NRG3: variants seen among roughly 807,000 people sequenced by gnomAD.
NRG3 encodes pro-neuregulin-3, membrane-bound isoform.
NRG3 carries 31 observed loss-of-function variants against 66.9 expected under a neutral mutation model. That is an observed-to-expected ratio of 0.46 (90% CI 0.35 to 0.63). The LOEUF (loss-of-function observed/expected upper bound fraction) is 0.63, where lower values mean the gene tolerates loss of function less well. NRG3 is among the 20% of genes least tolerant of loss of function. The pLI is 0.00. For synonymous variants in NRG3, 393 were observed against 359.4 expected, an observed-to-expected ratio of 1.09 and a Z score of -1.06; for missense variants, 910 against 878.9, an observed-to-expected ratio of 1.04 and a Z score of -0.45.
intron 1 of NRG3, among the ~76,000 whole-genome samples, chr10:82,303,535 A>G (rs2080533727): frequency 6.6e-6 from 1 of 152,164 alleles, no homozygotes; most frequent in African/African-American, 2.4e-5. Context: ...AAAATTAGAA[A>G]AACACTTAAA....
chr10:82,388,029 A>G (rs745412930), intron 2 of NRG3, among the ~76,000 whole-genome samples: 22 of 152,308 alleles, frequency 1.4e-4, no homozygotes, highest in Admixed American at 6.5e-5. Context: ...TTTCTAAATT[A>G]GAAAAGTACT....
Position 82,449,707 on chromosome 10 carries a change from C to G in NRG3, c.953+90839C>G, listed in dbSNP as rs905771642. On this transcript the variant is annotated intron_variant, in intron 2 of 8. Coordinates refer to ENST00000372141, the MANE Select transcript of NRG3 (RefSeq NM_001010848.4). The stretch of plus-strand genomic sequence containing the variant: ...AGGACCTCCTCACATGGGGCCACAT[C>G]AAGCATATGTGTGGTCGCAGGCTGT... Among the ~76,000 whole-genome samples, 16 of 152,288 alleles carry G rather than the reference C, an allele frequency of 1.1e-4. 1 individual carries two copies. The highest frequency in any genetic ancestry group is 6.8e-3 in the Middle Eastern group (2 of 294).
intron 2 of NRG3, among the ~76,000 whole-genome samples, chr10:82,615,609 G>A (rs2048596883): frequency 6.6e-6 from 1 of 152,134 alleles, no homozygotes; most frequent in South Asian, 2.1e-4. Context: ...AATCATTTTA[G>A]TTAGAAATAG....
intron 1 of NRG3, among the ~76,000 whole-genome samples, chr10:82,011,454 T>C (rs1377330292): frequency 6.6e-6 from 1 of 152,060 alleles, no homozygotes; most frequent in Non-Finnish European, 1.5e-5. Flanking sequence ...CTCTCAAATC[T>C]CATGTCCTCA....
chr10:82,959,061 G>A lies in NRG3; in HGVS notation c.1270G>A (p.Val424Ile). The A allele has an allele frequency of 6.2e-7, 1 of 1,601,876 alleles. No individual in the cohort carries two copies. Among genetic ancestry groups the A allele is most frequent in the East Asian group, 2.3e-5 (1 of 44,362 alleles). Residue 424 changes from valine (V) to isoleucine (I), a missense_variant, in exon 6 of 9, where the codon GTC becomes ATC. By Grantham distance (29) the Val-to-Ile change is conservative. Transcript: ENST00000372141. Reference protein sequence around the residue: ...AKSENLVKSHVQLQNYSKVER... With the variant: ...AKSENLVKSHIQLQNYSKVER... ...GTCAGAGAACTTGGTGAAGAGCCAT[G>A]TCCAGCTGCAAAATGTAAGTGACAT...
intron 4 of NRG3, among the ~76,000 whole-genome samples, chr10:82,904,373 A>C (rs1564618438): frequency 6.6e-6 from 1 of 152,138 alleles, no homozygotes; most frequent in South Asian, 2.1e-4. Flanking sequence ...TGTGTCATGG[A>C]TACTCATTAA....
intron 1 of NRG3, among the ~76,000 whole-genome samples, chr10:82,172,456 A>G (rs926613863): frequency 3.9e-5 from 6 of 152,142 alleles, no homozygotes; most frequent in Non-Finnish European, 8.8e-5. Flanking sequence ...GTTTGGCGAA[A>G]TGTTTGTAAC....
intron 3 of NRG3, among the ~76,000 whole-genome samples, chr10:82,860,922 G>C (rs924306789): frequency 6.6e-6 from 1 of 152,140 alleles, no homozygotes; most frequent in African/African-American, 2.4e-5. Flanking sequence ...ATATCCCTGG[G>C]CATACTGCTT....
chr10:82,613,028 T>C (rs2048406520), intron 2 of NRG3, among the ~76,000 whole-genome samples: 1 of 152,186 alleles, frequency 6.6e-6, no homozygotes, highest in South Asian at 2.1e-4. Flanking sequence ...GACAGAGTTG[T>C]AGTTAATAGT....
chr10:82,672,326 AC>A (rs2053348773), intron 2 of NRG3, among the ~76,000 whole-genome samples: 1 of 152,120 alleles, frequency 6.6e-6, no homozygotes, highest in Admixed American at 6.5e-5. Context: ...ACCAGAGGAG[AC>A]TGGAGAGGAG....
chr10:82,315,589 C>T (rs1440939350), intron 1 of NRG3, among the ~76,000 whole-genome samples: 1 of 151,780 alleles, frequency 6.6e-6, no homozygotes, highest in Non-Finnish European at 1.5e-5. Context: ...AACATGGGTG[C>T]ATTCTGCTAA....
chr10:82,925,783 G>T (rs1435018546), intron 4 of NRG3, among the ~76,000 whole-genome samples: 4 of 152,180 alleles, frequency 2.6e-5, no homozygotes, highest in African/African-American at 9.7e-5. Context: ...ACATATATCT[G>T]CAACTCCATG....
chr10:82,081,307 A>G (rs568103057), intron 1 of NRG3, among the ~76,000 whole-genome samples: 17 of 152,312 alleles, frequency 1.1e-4, no homozygotes, highest in African/African-American at 4.1e-4. Context: ...ACAAGAACAC[A>G]AAGATAGCTT....
intron 1 of NRG3, among the ~76,000 whole-genome samples, chr10:82,281,372 A>G (rs2079113147): frequency 6.6e-6 from 1 of 152,128 alleles, no homozygotes; most frequent in Non-Finnish European, 1.5e-5. Flanking sequence ...GAACAACAGG[A>G]TATCCTCTTG....
intron 1 of NRG3, among the ~76,000 whole-genome samples, chr10:82,013,839 G>T (rs1286398648): frequency 6.6e-6 from 1 of 151,780 alleles, no homozygotes; most frequent in Non-Finnish European, 1.5e-5. Context: ...CCTCTAAAAA[G>T]AACAAAAATA....
intron 2 of NRG3, among the ~76,000 whole-genome samples, chr10:82,620,654 A>C (rs1040175171): frequency 6.6e-5 from 10 of 152,152 alleles, no homozygotes; most frequent in African/African-American, 2.4e-4. Context: ...TATTGGTAAA[A>C]AGACGTTATT....
intron 1 of NRG3, among the ~76,000 whole-genome samples, chr10:81,932,675 G>A (rs1201938226): frequency 1.3e-5 from 2 of 152,058 alleles, no homozygotes; most frequent in Non-Finnish European, 2.9e-5. Flanking sequence ...TACAAGAAAG[G>A]ATTAGTCATT....
intron 2 of NRG3, among the ~76,000 whole-genome samples, chr10:82,681,006 C>T (rs891081706): frequency 2.0e-5 from 3 of 152,198 alleles, no homozygotes; most frequent in African/African-American, 4.8e-5. Context: ...AGGCTGTTTT[C>T]TCTAGAGCCT....
chr10:82,139,645 T>C (rs1158878081), intron 1 of NRG3, among the ~76,000 whole-genome samples: 1 of 152,182 alleles, frequency 6.6e-6, no homozygotes, highest in Non-Finnish European at 1.5e-5. Context: ...AAGGAGAGAA[T>C]AAATATGCTA....
Sources: allele counts gnomAD v4.1 joint callset (sites outside exome capture counted in the v4.1 genomes callset), GRCh38; gene constraint gnomAD v4.1.1; transcripts MANE v1.5; gene names NCBI Gene and HGNC (gene_info 2026-07-23, HGNC 2026-07-21).